SYNDIG1: variants seen among roughly 807,000 people sequenced by gnomAD.
The protein encoded by SYNDIG1 is synapse differentiation inducing 1, also known as synapse differentiation-inducing gene protein 1.
A neutral mutation model predicts 19.4 loss-of-function variants in SYNDIG1; 9 were observed. The observed-to-expected ratio is 0.46, with a 90% CI of 0.28 to 0.81. The LOEUF (loss-of-function observed/expected upper bound fraction) is 0.81, where lower values mean the gene tolerates loss of function less well. Ranked by LOEUF, SYNDIG1 falls within the 30% of genes least tolerant of loss-of-function variation. SYNDIG1 has a pLI of 0.12. For synonymous variants in SYNDIG1, 141 were observed against 145.9 expected (o/e 0.97, Z 0.24); for missense variants, 311 against 343.3 (o/e 0.91, Z 0.74).
At chr20:24,616,674 G>A (rs1482917950) in intron 3 of SYNDIG1, among the ~76,000 whole-genome samples, 1 of 152,228 alleles carries the variant, frequency 6.6e-6, no homozygotes, top group Non-Finnish European at 1.5e-5. Flanking sequence ...CAGGGGGTGA[G>A]GCAGCTGGAC....
chr20:24,588,737 A>AG (rs2058458546), intron 3 of SYNDIG1, among the ~76,000 whole-genome samples: 1 of 152,114 alleles, frequency 6.6e-6, no homozygotes, highest in African/African-American at 2.4e-5. Context: ...GAGGGAAGGG[A>AG]GGGATGCCCT....
chr20:24,564,302 A>G (rs1295790207), intron 2 of SYNDIG1, among the ~76,000 whole-genome samples: 2 of 152,220 alleles, frequency 1.3e-5, no homozygotes, highest in Non-Finnish European at 2.9e-5. Flanking sequence ...TAATCATGCT[A>G]CACAACAGGG....
intron 1 of SYNDIG1, among the ~76,000 whole-genome samples, chr20:24,484,520 A>G (rs2055902414): frequency 1.3e-5 from 2 of 152,172 alleles, no homozygotes; most frequent in South Asian, 4.1e-4. Flanking sequence ...CCTTCTGTTC[A>G]GGGTGAGTCT....
At chr20:24,648,925 A>G (rs2043390609) in intron 3 of SYNDIG1, among the ~76,000 whole-genome samples, 1 of 152,234 alleles carries the variant, frequency 6.6e-6, no homozygotes, top group Non-Finnish European at 1.5e-5. Context: ...TTATTCAGTT[A>G]TATCTTGGAT....
chr20:24,551,887 G>T (rs897290920), intron 2 of SYNDIG1, among the ~76,000 whole-genome samples: 1 of 152,132 alleles, frequency 6.6e-6, no homozygotes, highest in African/African-American at 2.4e-5. Flanking sequence ...GACTTGATAT[G>T]TGGCTTAGTG....
chr20:24,517,390 C>T (rs2056897672), intron 1 of SYNDIG1, among the ~76,000 whole-genome samples: 1 of 150,352 alleles, frequency 6.7e-6, no homozygotes, highest in African/African-American at 2.4e-5. Context: ...CCGAGGCGGG[C>T]AGATCACAAG....
At chr20:24,637,425 T>C (rs2059327017) in intron 3 of SYNDIG1, among the ~76,000 whole-genome samples, 1 of 152,134 alleles carries the variant, frequency 6.6e-6, no homozygotes, top group Admixed American at 6.6e-5. Flanking sequence ...ACAGAAAGAA[T>C]AGGCCCATAA....
At chr20:24,556,364 A>G (rs1441555991) in intron 2 of SYNDIG1, among the ~76,000 whole-genome samples, 2 of 152,042 alleles carry the variant, frequency 1.3e-5, no homozygotes, top group Non-Finnish European at 2.9e-5. Context: ...TTAGCTGGTT[A>G]TTTTGCTCGT....
intron 3 of SYNDIG1, among the ~76,000 whole-genome samples, chr20:24,598,384 A>T (rs1351319337): frequency 6.6e-6 from 1 of 152,244 alleles, no homozygotes; most frequent in African/African-American, 2.4e-5. Context: ...GCTGTTTTAA[A>T]AGCCTTCAGA....
chr20:24,535,116 T>C (rs981435811), intron 1 of SYNDIG1, among the ~76,000 whole-genome samples: 1 of 152,256 alleles, frequency 6.6e-6, no homozygotes, highest in Non-Finnish European at 1.5e-5. Context: ...TTACCTGTTA[T>C]GATCTTGGTT....
chr20:24,638,913 G>C (rs1467615836), intron 3 of SYNDIG1, among the ~76,000 whole-genome samples: 1 of 152,174 alleles, frequency 6.6e-6, no homozygotes, highest in East Asian at 1.9e-4. Flanking sequence ...GGGTGCCAAA[G>C]GTCATAGGCC....
chr20:24,598,661 A>T (rs1352827909), intron 3 of SYNDIG1, among the ~76,000 whole-genome samples: 2 of 152,226 alleles, frequency 1.3e-5, no homozygotes, highest in African/African-American at 4.8e-5. Context: ...AATCTCATTC[A>T]TGACCTCATT....
At chr20:24,518,495 T>C (rs1356450832) in intron 1 of SYNDIG1, among the ~76,000 whole-genome samples, 1 of 152,226 alleles carries the variant, frequency 6.6e-6, no homozygotes, top group African/African-American at 2.4e-5. Context: ...CCTTGTCCCG[T>C]TGGCAACACT....
intron 1 of SYNDIG1, among the ~76,000 whole-genome samples, chr20:24,535,262 G>C (rs2057338544): frequency 6.6e-6 from 1 of 152,208 alleles, no homozygotes; most frequent in Non-Finnish European, 1.5e-5. Flanking sequence ...CATAGGAGTA[G>C]CTCTTCATGT....
intron 1 of SYNDIG1, among the ~76,000 whole-genome samples, chr20:24,511,732 T>TA (rs1203891421): frequency 2.0e-5 from 3 of 152,090 alleles, no homozygotes; most frequent in Admixed American, 6.6e-5. Flanking sequence ...AGCTGTGGCT[T>TA]AAAAAAATTG....
chr20:24,496,319 C>T (rs916040621), intron 1 of SYNDIG1, among the ~76,000 whole-genome samples: 5 of 152,156 alleles, frequency 3.3e-5, no homozygotes, highest in African/African-American at 1.2e-4. Context: ...GAAGTGTTGC[C>T]GTCTAATGAT....
chr20:24,557,814 G>C (rs1212728869), intron 2 of SYNDIG1, among the ~76,000 whole-genome samples: 1 of 152,162 alleles, frequency 6.6e-6, no homozygotes, highest in African/African-American at 2.4e-5. Flanking sequence ...CCGCATGCTG[G>C]GAGAACCACT....
intron 1 of SYNDIG1, among the ~76,000 whole-genome samples, chr20:24,541,139 A>G (rs2057460011): frequency 6.6e-6 from 1 of 152,220 alleles, no homozygotes. Context: ...TTCCACTTTC[A>G]TAAGCCACTT....
chr20:24,589,618 C>T (rs1183420125), intron 3 of SYNDIG1, among the ~76,000 whole-genome samples: 2 of 152,230 alleles, frequency 1.3e-5, no homozygotes, highest in African/African-American at 2.4e-5. Context: ...GGACCTGCGC[C>T]GGGCAGGCCC....
Sources: allele counts gnomAD v4.1 joint callset (sites outside exome capture counted in the v4.1 genomes callset), GRCh38; gene constraint gnomAD v4.1.1; transcripts MANE v1.5; gene names NCBI Gene and HGNC (gene_info 2026-07-23, HGNC 2026-07-21).